The following EDIL3 variants were observed in gnomAD, a reference collection of about 807,000 sequenced individuals.
EDIL3 encodes EGF like and discoidin domains 3.
A neutral mutation model predicts 67.4 loss-of-function variants in EDIL3; 37 were observed. That is an observed-to-expected ratio of 0.55 (90% CI 0.42 to 0.72). EDIL3 has a LOEUF of 0.72. Among genes scored for constraint, EDIL3 ranks in the 30% least tolerant of loss-of-function variants. EDIL3 has a pLI of 0.00. For missense variants in EDIL3, 527 were observed against 586.3 expected, an observed-to-expected ratio of 0.90 and a Z score of 1.04; for synonymous variants, 195 against 196.3, an observed-to-expected ratio of 0.99 and a Z score of 0.05.
At chr5:84,002,482 G>A (rs1216534222) in intron 9 of EDIL3, among the ~76,000 whole-genome samples, 2 of 152,264 alleles carry the variant, frequency 1.3e-5, no homozygotes, top group Admixed American at 1.3e-4. Context: ...CAAATGGGAA[G>A]GAAGAAGTCA....
chr5:84,179,546 G>A (rs1203129530), intron 4 of EDIL3, among the ~76,000 whole-genome samples: 1 of 152,190 alleles, frequency 6.6e-6, no homozygotes, highest in Non-Finnish European at 1.5e-5. Flanking sequence ...AGCTCTCGCT[G>A]ACAAATCCAG....
intron 3 of EDIL3, among the ~76,000 whole-genome samples, chr5:84,205,538 G>A (rs932085172): frequency 1.3e-5 from 2 of 152,078 alleles, no homozygotes; most frequent in Non-Finnish European, 2.9e-5. Context: ...AATCCATCTG[G>A]TCCTGGACTC....
chr5:84,252,512 A>AAAAAAAAAAAAAAAC, intron 2 of EDIL3, among the ~76,000 whole-genome samples: 1 of 148,366 alleles, frequency 6.7e-6, no homozygotes, highest in Non-Finnish European at 1.5e-5. Context: ...AAAAAAAAAA[A>AAAAAAAAAAAAAAAC]AAAAAATTCT....
At chr5:84,289,050 G>T (rs1025174701) in intron 1 of EDIL3, among the ~76,000 whole-genome samples, 1 of 152,110 alleles carries the variant, frequency 6.6e-6, no homozygotes, top group African/African-American at 2.4e-5. Context: ...TCTTATCCTA[G>T]AATGGCACAT....
At chr5:84,058,209 A>C (rs1746482112) in intron 9 of EDIL3, among the ~76,000 whole-genome samples, 1 of 152,130 alleles carries the variant, frequency 6.6e-6, no homozygotes, top group South Asian at 2.1e-4. Flanking sequence ...TTAGAAGAGT[A>C]GGGTAAGAAA....
intron 9 of EDIL3, among the ~76,000 whole-genome samples, chr5:84,047,151 C>G (rs1415195901): frequency 6.6e-6 from 1 of 152,104 alleles, no homozygotes; most frequent in African/African-American, 2.4e-5. Context: ...TAATGTACCA[C>G]TAGAGCTTGT....
At chr5:84,100,105 G>C (rs1369686129) in intron 6 of EDIL3, among the ~76,000 whole-genome samples, 1 of 152,112 alleles carries the variant, frequency 6.6e-6, no homozygotes, top group Non-Finnish European at 1.5e-5. Flanking sequence ...TGGAGAAATA[G>C]GAACAATTTT....
At chr5:84,148,666 T>C (rs1381303768) in intron 4 of EDIL3, among the ~76,000 whole-genome samples, 1 of 152,090 alleles carries the variant, frequency 6.6e-6, no homozygotes, top group Non-Finnish European at 1.5e-5. Context: ...TACAAAATTA[T>C]AGGATATTTT....
chr5:84,106,750 A>G lies in EDIL3; in HGVS notation c.550T>C (p.Phe184Leu). Residue 184 changes from phenylalanine (F) to leucine (L), a missense_variant, in exon 6 of 11, where the codon TTT becomes CTT. Coordinates refer to ENST00000296591, the MANE Select transcript of EDIL3 (RefSeq NM_005711.5). ...TAGGGATACCATTTTTGGAGTCCAA[A>G]AAGAGCTCGGTGAGTAGAGGAAGCT... ...ITASSTHRAL[F>L]GLQKWYPYYA... The G allele has an allele frequency of 6.2e-7, 1 of 1,613,646 alleles. No homozygotes were observed. Among genetic ancestry groups the G allele is most frequent in the Non-Finnish European group, 8.5e-7 (1 of 1,179,700 alleles).
intron 1 of EDIL3, among the ~76,000 whole-genome samples, chr5:84,357,565 T>C (rs968089874): frequency 6.6e-6 from 1 of 152,086 alleles, no homozygotes; most frequent in African/African-American, 2.4e-5. Flanking sequence ...TCCCAGAACT[T>C]CCATTAGGTT....
At chr5:84,073,128 C>T (rs888074594) in intron 6 of EDIL3, among the ~76,000 whole-genome samples, 110 of 152,160 alleles carry the variant, frequency 7.2e-4, no homozygotes, top group African/African-American at 2.6e-3. Context: ...CAGAAAAGGC[C>T]TTTGACAAAA....
At chr5:84,254,241 CA>C (rs1745086238) in intron 1 of EDIL3, 29 bp from the exon 2 acceptor site, 3 of 1,582,844 alleles carry the variant, frequency 1.9e-6, no homozygotes, top group African/African-American at 1.4e-5. Flanking sequence ...CCGAAATTGA[CA>C]TTTTTTTTTT....
intron 10 of EDIL3, among the ~76,000 whole-genome samples, chr5:83,945,066 C>T (rs576133762): frequency 1.3e-5 from 2 of 152,090 alleles, no homozygotes; most frequent in East Asian, 3.9e-4. Flanking sequence ...TTAGGCAGTA[C>T]GGCACTGATT....
chr5:84,202,205 C>T (rs1743857906), intron 3 of EDIL3, among the ~76,000 whole-genome samples: 1 of 152,098 alleles, frequency 6.6e-6, no homozygotes, highest in African/African-American at 2.4e-5. Context: ...ATCATGTTTT[C>T]TTCCCACTGC....
chr5:84,319,491 CAACAAAAAAAAAA>C (rs1561255916), intron 1 of EDIL3, among the ~76,000 whole-genome samples: 8 of 3,940 alleles, frequency 2.0e-3, no homozygotes, highest in East Asian at 0.011. Flanking sequence ...AAACAAAAAA[CAACAAAAAAAAAA>C]AAAAAAAAAA....
At chr5:84,140,851 A>G (rs1375971923) in intron 4 of EDIL3, among the ~76,000 whole-genome samples, 1 of 152,130 alleles carries the variant, frequency 6.6e-6, no homozygotes, top group Non-Finnish European at 1.5e-5. Context: ...ACAAGCTTAG[A>G]AGACAGTTGC....
chr5:84,161,126 A>C (rs1355234255), intron 4 of EDIL3, among the ~76,000 whole-genome samples: 2 of 152,092 alleles, frequency 1.3e-5, no homozygotes, highest in African/African-American at 4.8e-5. Context: ...TACACTTAGA[A>C]TAATGGTCTC....
At chr5:84,076,890 G>A (rs1412385906) in intron 6 of EDIL3, among the ~76,000 whole-genome samples, 2 of 152,132 alleles carry the variant, frequency 1.3e-5, no homozygotes, top group African/African-American at 4.8e-5. Context: ...TGTTTACCTT[G>A]AAACTCACAC....
chr5:83,967,700 C>G (rs763398151), intron 9 of EDIL3, among the ~76,000 whole-genome samples: 11 of 152,126 alleles, frequency 7.2e-5, no homozygotes, highest in Non-Finnish European at 1.2e-4. Flanking sequence ...TCATTTCAGA[C>G]ATCTGCACAG....
Sources: allele counts gnomAD v4.1 joint callset (sites outside exome capture counted in the v4.1 genomes callset), GRCh38; gene constraint gnomAD v4.1.1; transcripts MANE v1.5; gene names NCBI Gene and HGNC (gene_info 2026-07-23, HGNC 2026-07-21).